Variants in LRP1B observed in about 807,000 individuals in gnomAD.
LRP1B encodes the protein low-density lipoprotein receptor-related protein 1B.
Under a neutral mutation model 556.6 loss-of-function variants are expected in LRP1B, and 217 were observed. The ratio of observed to expected loss-of-function variants is 0.39; its 90% CI spans 0.35 to 0.44. The LOEUF is 0.44. Among genes scored for constraint, LRP1B ranks in the 20% least tolerant of loss-of-function variants. The probability of loss-of-function intolerance (pLI) is 1.00; values close to 1 mark genes in which losing one functional copy is unlikely to be tolerated. For missense variants in LRP1B, 5,053 were observed against 5,620.8 expected (o/e 0.90, Z 3.23); for synonymous variants, 2,047 against 1,865.8 (o/e 1.10, Z -2.50).
chr2:141,101,719 G>T (rs76663447), intron 7 of LRP1B, among the ~76,000 whole-genome samples: 12,021 of 152,076 alleles, frequency 0.079, 586 homozygotes, highest in South Asian at 0.14. Context: ...CTTCATTTTA[G>T]AAGTTGCTAG....
chr2:140,323,313 GAGAC>G (rs1680259169), intron 81 of LRP1B, among the ~76,000 whole-genome samples: 5 of 151,904 alleles, frequency 3.3e-5, no homozygotes, highest in African/African-American at 1.2e-4. Flanking sequence ...TTCTAGGAGG[GAGAC>G]TAACAATAAG....
At chr2:142,130,606 C>G (rs1453310073) in intron 1 of LRP1B, 42 bp downstream of exon 1, 1 of 1,538,584 alleles carries the variant, frequency 6.5e-7, no homozygotes, top group South Asian at 1.2e-5. Flanking sequence ...GCAGGAAAGC[C>G]AAGGAAGTCA....
intron 3 of LRP1B, among the ~76,000 whole-genome samples, chr2:141,464,606 A>ATATATATATATATATATTTT: frequency 4.4e-5 from 4 of 90,558 alleles, no homozygotes; most frequent in African/African-American, 1.3e-4. Context: ...ATATATATAT[A>ATATATATATATATATATTTT]TTTTTTTAGT....
intron 35 of LRP1B, among the ~76,000 whole-genome samples, chr2:140,767,635 T>C (rs1689162875): frequency 6.6e-6 from 1 of 151,440 alleles, no homozygotes; most frequent in Non-Finnish European, 1.5e-5. Context: ...TATATTATTT[T>C]ATTTTTTTTA....
chr2:140,355,775 T>G (rs538677575), intron 75 of LRP1B, among the ~76,000 whole-genome samples: 2 of 152,070 alleles, frequency 1.3e-5, no homozygotes, highest in Non-Finnish European at 1.5e-5. Context: ...AGAACACTGA[T>G]GTAATTATAT....
At chr2:140,966,711 A>AT (rs1029411192) in intron 18 of LRP1B, among the ~76,000 whole-genome samples, 11 of 152,180 alleles carry the variant, frequency 7.2e-5, no homozygotes, top group African/African-American at 2.2e-4. Context: ...TCTTGAATTA[A>AT]TTTTTTTATA....
chr2:141,444,011 A>C (rs1201050117), intron 3 of LRP1B, among the ~76,000 whole-genome samples: 1 of 152,134 alleles, frequency 6.6e-6, no homozygotes, highest in Admixed American at 6.5e-5. Context: ...GAATCTATAA[A>C]TTACTTTGGG....
chr2:140,357,831 A>T, intron 74 of LRP1B, 148 bp downstream of exon 74: 1 of 826,138 alleles, frequency 1.2e-6, no homozygotes, highest in Non-Finnish European at 1.8e-6. Flanking sequence ...GTAATATTCT[A>T]ATGTTGCTTT....
intron 2 of LRP1B, among the ~76,000 whole-genome samples, chr2:141,516,446 T>C (rs190734133): frequency 5.6e-4 from 85 of 152,312 alleles, no homozygotes; most frequent in Non-Finnish European, 9.7e-4. Context: ...GATTTAAATG[T>C]TACAGATCTA....
At chr2:142,107,933 A>G (rs1706814922) in intron 1 of LRP1B, among the ~76,000 whole-genome samples, 1 of 149,982 alleles carries the variant, frequency 6.7e-6, no homozygotes, top group Non-Finnish European at 1.5e-5. Context: ...GACATGAACC[A>G]CCATGCCCAG....
intron 7 of LRP1B, among the ~76,000 whole-genome samples, chr2:141,115,183 G>A (rs1700857064): frequency 6.6e-6 from 1 of 150,868 alleles, no homozygotes; most frequent in African/African-American, 2.4e-5. Context: ...GGACTTTCAA[G>A]GATTATAGTT....
intron 3 of LRP1B, among the ~76,000 whole-genome samples, chr2:141,418,180 C>T (rs986177005): frequency 3.3e-5 from 5 of 152,002 alleles, no homozygotes; most frequent in Admixed American, 6.5e-5. Flanking sequence ...ATATTTTCTC[C>T]CACTGTTTAG....
intron 1 of LRP1B, among the ~76,000 whole-genome samples, chr2:141,999,499 G>T (rs368471391): frequency 6.6e-6 from 1 of 151,894 alleles, no homozygotes; most frequent in South Asian, 2.1e-4. Flanking sequence ...ACAAAAGACC[G>T]CAATGGCTTG....
At chr2:140,373,175 T>C (rs1264647471) in intron 68 of LRP1B, 38 bp from the exon 69 acceptor site, 12 of 1,584,160 alleles carry the variant, frequency 7.6e-6, no homozygotes, top group Non-Finnish European at 1.0e-5. Flanking sequence ...AAATTAAAAT[T>C]TTAGAAACAC....
At chr2:141,408,716 C>T (rs1690736894) in intron 3 of LRP1B, among the ~76,000 whole-genome samples, 1 of 151,816 alleles carries the variant, frequency 6.6e-6, no homozygotes, top group African/African-American at 2.4e-5. Flanking sequence ...CTCTATTAAA[C>T]ACTGATTTAT....
chr2:141,595,434 TATATC>T (rs1236954813), intron 2 of LRP1B, among the ~76,000 whole-genome samples: 2 of 152,182 alleles, frequency 1.3e-5, no homozygotes, highest in East Asian at 3.9e-4. Flanking sequence ...ATCAGCCTCT[TATATC>T]AGACATTTGT....
intron 2 of LRP1B, among the ~76,000 whole-genome samples, chr2:141,625,814 T>G (rs1688685086): frequency 6.6e-6 from 1 of 152,128 alleles, no homozygotes; most frequent in Non-Finnish European, 1.5e-5. Context: ...TTGAAGAGTT[T>G]TGGGTTTTGA....
intron 84 of LRP1B, among the ~76,000 whole-genome samples, chr2:140,287,521 C>A (rs1683195442): frequency 6.6e-6 from 1 of 151,354 alleles, no homozygotes; most frequent in Non-Finnish European, 1.5e-5. Flanking sequence ...GCTCTGAGAT[C>A]ATCATTATAA....
chr2:141,131,243 T>A (rs1337388785), intron 7 of LRP1B, among the ~76,000 whole-genome samples: 3 of 151,910 alleles, frequency 2.0e-5, no homozygotes, highest in African/African-American at 7.3e-5. Flanking sequence ...CATTGGTATA[T>A]CTATTCAATA....
Sources: gnomAD v4.1 joint callset for allele counts (sites outside exome capture counted in the v4.1 genomes callset) on GRCh38, gnomAD v4.1.1 for gene constraint, MANE v1.5 for transcripts, NCBI Gene and HGNC (gene_info 2026-07-23, HGNC 2026-07-21) for gene names.